Variants in EXOC4 observed in about 807,000 individuals in gnomAD.
EXOC4 encodes exocyst complex component 4.
A neutral mutation model predicts 107.2 loss-of-function variants in EXOC4; 71 were observed. That is an observed-to-expected ratio of 0.66 (90% confidence interval 0.55 to 0.81). The LOEUF (loss-of-function observed/expected upper bound fraction) is 0.81. EXOC4 is among the 30% of genes least tolerant of loss of function. The probability of loss-of-function intolerance (pLI) is 0.00; values close to 1 mark genes in which losing one functional copy is unlikely to be tolerated. For synonymous variants in EXOC4, 456 were observed against 441.2 expected (o/e 1.03, Z -0.42); for missense variants, 1,108 against 1,189.6 (o/e 0.93, Z 1.01).
chr7:133,855,144 AAT>A (rs1235510935), intron 11 of EXOC4, among the ~76,000 whole-genome samples: 4 of 96,484 alleles, frequency 4.1e-5, no homozygotes, highest in Admixed American at 9.9e-5. Context: ...TATATATATA[AAT>A]ATATATATAA....
chr7:133,708,104 T>C (rs897258958), intron 10 of EXOC4, among the ~76,000 whole-genome samples: 5 of 152,178 alleles, frequency 3.3e-5, no homozygotes, highest in African/African-American at 9.7e-5. Context: ...AAGTTGGAAG[T>C]AGGAGTACTG....
At chr7:133,265,349 G>A (rs57166783) in intron 1 of EXOC4, among the ~76,000 whole-genome samples, 8,340 of 151,702 alleles carry the variant, frequency 0.055, 546 homozygotes, top group East Asian at 0.14. Context: ...AAATTTCACT[G>A]GGGCCAAGAT....
chr7:133,945,066 G>A (rs1349919684), intron 14 of EXOC4, among the ~76,000 whole-genome samples: 2 of 152,038 alleles, frequency 1.3e-5, no homozygotes, highest in South Asian at 2.1e-4. Flanking sequence ...TCATAATACC[G>A]AGCTGCACAT....
intron 10 of EXOC4, among the ~76,000 whole-genome samples, chr7:133,728,421 A>G (rs1172285614): frequency 6.6e-6 from 1 of 152,214 alleles, no homozygotes; most frequent in Non-Finnish European, 1.5e-5. Context: ...TTATTTCAGA[A>G]CTGTAGATAA....
rs577941925 is a variant in EXOC4, at chr7:133,281,989, G to C, written c.276+6818G>C. 6.6e-5 allele frequency among the ~76,000 whole-genome samples: 10 copies of C among 152,204 alleles called. No homozygotes were observed. In the East Asian group the frequency reaches 1.5e-3, roughly 24 times the overall value. On this transcript the variant is annotated intron_variant, in intron 2 of 17. Transcript: ENST00000253861. ...AAGTTCTGGGATTACAGGCGAGAGC[G>C]ATCACGCCCAGACAAATTCAGTACT...
intron 11 of EXOC4, among the ~76,000 whole-genome samples, chr7:133,831,820 T>C (rs1309842831): frequency 6.6e-6 from 1 of 152,240 alleles, no homozygotes; most frequent in Admixed American, 6.5e-5. Flanking sequence ...AATATATTCA[T>C]ATCCGTATAT....
chr7:133,399,277 C>A (rs6974618), intron 7 of EXOC4, among the ~76,000 whole-genome samples: 47,456 of 152,026 alleles, frequency 0.31, 7,553 homozygotes, highest in South Asian at 0.41. Flanking sequence ...ATATATATAT[C>A]TTTGATTTTC....
intron 9 of EXOC4, among the ~76,000 whole-genome samples, chr7:133,626,285 T>A (rs1327708193): frequency 6.6e-6 from 1 of 152,186 alleles, no homozygotes; most frequent in African/African-American, 2.4e-5. Context: ...GAGTTTTGTT[T>A]CTCACCCAGA....
chr7:133,946,273 T>G (rs1800547217), intron 14 of EXOC4, among the ~76,000 whole-genome samples: 1 of 152,200 alleles, frequency 6.6e-6, no homozygotes, highest in Admixed American at 6.5e-5. Context: ...CTCATTGCCA[T>G]TGGTTGATTT....
chr7:133,281,780 C>T (rs1423565210), intron 2 of EXOC4, among the ~76,000 whole-genome samples: 7 of 151,116 alleles, frequency 4.6e-5, no homozygotes, highest in Non-Finnish European at 8.8e-5. Context: ...CGGCTTACTG[C>T]AACCTTCGCC....
intron 5 of EXOC4, among the ~76,000 whole-genome samples, chr7:133,318,165 C>T (rs1367006628): frequency 1.3e-5 from 2 of 152,218 alleles, no homozygotes; most frequent in Non-Finnish European, 2.9e-5. Context: ...CACGTGTGCA[C>T]TCATAGTCGT....
At chr7:133,463,510 A>G (rs1046300887) in intron 7 of EXOC4, among the ~76,000 whole-genome samples, 2 of 152,200 alleles carry the variant, frequency 1.3e-5, no homozygotes, top group African/African-American at 2.4e-5. Flanking sequence ...GATAATTGGG[A>G]ATCATTCAAA....
chr7:134,015,212 C>G (rs893228991), intron 17 of EXOC4, among the ~76,000 whole-genome samples: 3 of 152,196 alleles, frequency 2.0e-5, no homozygotes, highest in African/African-American at 7.2e-5. Flanking sequence ...TCCTCCCCCA[C>G]CAGCACTCCC....
At chr7:133,691,480 A>G (rs1393069623) in intron 10 of EXOC4, among the ~76,000 whole-genome samples, 2 of 152,234 alleles carry the variant, frequency 1.3e-5, no homozygotes, top group Non-Finnish European at 2.9e-5. Flanking sequence ...AATGCAGTAC[A>G]ACAGAGTAAA....
At position 133,686,975 on chromosome 7, in the gene EXOC4, A is replaced by G. The variant is rs117779564; in HGVS notation, c.1514+56834A>G. Among the ~76,000 whole-genome samples the G allele has an allele frequency of 1.0e-4, 15 of 150,742 alleles. No individual in the cohort carries two copies. The East Asian group carries it at 2.9e-3, about 30-fold the overall frequency. On this transcript the variant is annotated intron_variant, in intron 10 of 17. Coordinates refer to ENST00000253861, the MANE Select transcript of EXOC4 (RefSeq NM_021807.4). ...AACCAGCCCAAATGCCTATCAATCA[A>G]TGAGGGGATAAAGAATTTTGTGTGT...
chr7:133,983,616 A>G (rs930068525), intron 14 of EXOC4, among the ~76,000 whole-genome samples: 2 of 151,814 alleles, frequency 1.3e-5, no homozygotes, highest in African/African-American at 4.8e-5. Context: ...CATATACTTA[A>G]GCTAGAAGGA....
At chr7:133,403,894 A>G (rs888035479) in intron 7 of EXOC4, among the ~76,000 whole-genome samples, 7 of 152,016 alleles carry the variant, frequency 4.6e-5, no homozygotes, top group African/African-American at 7.2e-5. Flanking sequence ...TCAGTTACTA[A>G]AGTCTAACAG....
At chr7:133,837,066 T>C (rs943329234) in intron 11 of EXOC4, among the ~76,000 whole-genome samples, 1 of 152,152 alleles carries the variant, frequency 6.6e-6, no homozygotes, top group Non-Finnish European at 1.5e-5. Flanking sequence ...TATTATTCTT[T>C]TGGAAGATAA....
chr7:133,389,217 T>G (rs987898337), intron 7 of EXOC4, among the ~76,000 whole-genome samples: 2 of 151,824 alleles, frequency 1.3e-5, no homozygotes, highest in African/African-American at 4.8e-5. Context: ...AGAAAGGCAA[T>G]AGAGATGAGA....
Sources: gnomAD v4.1 joint callset for allele counts (sites outside exome capture counted in the v4.1 genomes callset) on GRCh38, gnomAD v4.1.1 for gene constraint, MANE v1.5 for transcripts, NCBI Gene and HGNC (gene_info 2026-07-23, HGNC 2026-07-21) for gene names.